The following HTR2C variants were observed in gnomAD, a reference collection of about 807,000 sequenced individuals.
The protein encoded by HTR2C is 5-hydroxytryptamine (serotonin) receptor 2C, G protein-coupled.
Under a neutral mutation model 21.0 loss-of-function variants are expected in HTR2C, and 5 were observed. The observed-to-expected ratio is 0.24, with a 90% CI of 0.12 to 0.50. The LOEUF is 0.50. HTR2C is among the 20% of genes least tolerant of loss of function. The pLI, the probability that HTR2C is intolerant of heterozygous loss-of-function variation, is 0.98. For missense variants in HTR2C, 271 were observed against 371.2 expected, an observed-to-expected ratio of 0.73 and a Z score of 2.22; for synonymous variants, 150 against 145.3, an observed-to-expected ratio of 1.03 and a Z score of -0.23.
At chrX:114,885,601 A>C (rs1228982244) in intron 5 of HTR2C, among the ~76,000 whole-genome samples, 1 of 111,923 alleles carries the variant, frequency 8.9e-6, no homozygotes, top group African/African-American at 3.2e-5. Flanking sequence ...TAAAAGAAAG[A>C]ATTTTTCAAA....
intron 2 of HTR2C, among the ~76,000 whole-genome samples, chrX:114,681,873 C>G (rs1231124230): frequency 6.3e-5 from 7 of 111,129 alleles, no homozygotes; most frequent in African/African-American, 2.3e-4. Context: ...AACTACGTTC[C>G]CCTTTCCATA....
intron 2 of HTR2C, chrX:114,715,367 A>G (rs782152970): frequency 4.0e-5 from 15 of 375,744 alleles, no homozygotes; most frequent in Admixed American, 3.9e-4. Context: ...CACAACCAGA[A>G]GAGCCTGTTA....
chrX:114,827,415 A>G (rs1211180842), intron 4 of HTR2C, among the ~76,000 whole-genome samples: 13 of 111,421 alleles, frequency 1.2e-4, no homozygotes, highest in Admixed American at 1.1e-3. Context: ...TTACATCTAC[A>G]TGCATTGAGA....
At chrX:114,804,397 T>C (rs899339222) in intron 4 of HTR2C, among the ~76,000 whole-genome samples, 1 of 111,873 alleles carries the variant, frequency 8.9e-6, no homozygotes. Context: ...CATTAAGAAA[T>C]AGTTCTCTCC....
intron 3 of HTR2C, among the ~76,000 whole-genome samples, chrX:114,729,506 A>G (rs2069515279): frequency 8.9e-6 from 1 of 111,981 alleles, no homozygotes. Context: ...CTGAGAGCGA[A>G]TAACTTGCTT....
At chrX:114,865,490 C>G (rs1302253201) in intron 5 of HTR2C, among the ~76,000 whole-genome samples, 1 of 111,383 alleles carries the variant, frequency 9.0e-6, no homozygotes, top group Non-Finnish European at 1.9e-5. Flanking sequence ...ATTTAATATT[C>G]CCACTAGCAG....
chrX:114,612,771 G>C (rs782621700), intron 1 of HTR2C, among the ~76,000 whole-genome samples: 128 of 110,921 alleles, frequency 1.2e-3, no homozygotes, highest in Non-Finnish European at 2.1e-3. Context: ...TAGGAATGGG[G>C]TCCGGATCCA....
intron 4 of HTR2C, among the ~76,000 whole-genome samples, chrX:114,830,460 C>A (rs1353511584): frequency 9.0e-6 from 1 of 111,067 alleles, no homozygotes; most frequent in Non-Finnish European, 1.9e-5. Flanking sequence ...ATTTATTTTT[C>A]ACATACCTCA....
intron 2 of HTR2C, among the ~76,000 whole-genome samples, chrX:114,681,380 A>G (rs1399559945): frequency 3.6e-5 from 4 of 110,733 alleles, no homozygotes; most frequent in African/African-American, 1.3e-4. Context: ...ATGTACTTTT[A>G]CTTGCTGTAT....
chrX:114,706,782 A>G (rs1417093763), intron 2 of HTR2C, among the ~76,000 whole-genome samples: 3 of 111,181 alleles, frequency 2.7e-5, no homozygotes, highest in East Asian at 5.7e-4. Context: ...CATAAATACA[A>G]TCTGCAGCTG....
chrX:114,897,437 G>A (rs1210887565), intron 5 of HTR2C, among the ~76,000 whole-genome samples: 8 of 109,685 alleles, frequency 7.3e-5, no homozygotes, highest in Non-Finnish European at 7.6e-5. Flanking sequence ...AGGGATACAC[G>A]TGCAGGATGT....
chrX:114,803,858 A>G lies in HTR2C; in HGVS notation c.350-44145A>G, dbSNP rs190821684. Reference sequence around the variant, plus strand: ...TTCTTTTTGTCCACATAGCTGAAAAAAATATTATAATTCCTCTATTTTCAC... The same window carrying G: ...TTCTTTTTGTCCACATAGCTGAAAAGAATATTATAATTCCTCTATTTTCAC... On this transcript the variant is annotated intron_variant, in intron 4 of 5. Coordinates refer to ENST00000276198, the MANE Select transcript of HTR2C (RefSeq NM_000868.4). 4.2e-3 allele frequency among the ~76,000 whole-genome samples: 475 copies of G among 111,868 alleles called. 1 individual carries two copies. The highest frequency in any genetic ancestry group is 6.2e-3 in the Non-Finnish European group (330 of 53,148).
At chrX:114,609,848 A>G (rs1208732413) in intron 1 of HTR2C, among the ~76,000 whole-genome samples, 3 of 111,934 alleles carry the variant, frequency 2.7e-5, no homozygotes, top group African/African-American at 9.7e-5. Flanking sequence ...TGGCAAAAAT[A>G]ATCTACAGTG....
chrX:114,859,836 A>G (rs781961579), intron 5 of HTR2C, among the ~76,000 whole-genome samples: 1 of 111,305 alleles, frequency 9.0e-6, no homozygotes, highest in South Asian at 3.7e-4. Context: ...TTTTTCTCTA[A>G]ATTCTACTTT....
intron 4 of HTR2C, among the ~76,000 whole-genome samples, chrX:114,737,353 C>T (rs1425948810): frequency 2.8e-5 from 3 of 108,470 alleles, no homozygotes; most frequent in Non-Finnish European, 5.7e-5. Context: ...CAGCCTCCTG[C>T]GTAGCTGGGA....
At chrX:114,678,558 G>C (rs1315405823) in intron 2 of HTR2C, among the ~76,000 whole-genome samples, 1 of 111,473 alleles carries the variant, frequency 9.0e-6, no homozygotes, top group African/African-American at 3.3e-5. Context: ...GGAATGAATA[G>C]AGCCTCATGA....
At chrX:114,819,494 G>T (rs923768228) in intron 4 of HTR2C, among the ~76,000 whole-genome samples, 1 of 112,420 alleles carries the variant, frequency 8.9e-6, no homozygotes, top group Non-Finnish European at 1.9e-5. Context: ...CATGAAAGGG[G>T]TTGTGACACA....
chrX:114,824,809 T>C (rs1361590658), intron 4 of HTR2C, among the ~76,000 whole-genome samples: 2 of 111,998 alleles, frequency 1.8e-5, no homozygotes, highest in East Asian at 5.6e-4. Flanking sequence ...TCTCTTTATT[T>C]TCCTCAGCAG....
chrX:114,776,246 C>T (rs2070055734), intron 4 of HTR2C: 1 of 567,506 alleles, frequency 1.8e-6, no homozygotes. Flanking sequence ...ATCAGCAGCA[C>T]TTGGCTCATT....
Sources: allele counts gnomAD v4.1 joint callset (sites outside exome capture counted in the v4.1 genomes callset), GRCh38; gene constraint gnomAD v4.1.1; transcripts MANE v1.5; gene names NCBI Gene and HGNC (gene_info 2026-07-23, HGNC 2026-07-21).